The following SLC25A30 variants were observed in gnomAD, a reference collection of about 807,000 sequenced individuals.
SLC25A30 encodes the protein solute carrier family 25 member 30.
Under a neutral mutation model 42.7 loss-of-function variants are expected in SLC25A30, and 29 were observed. The observed-to-expected ratio is 0.68, with a 90% confidence interval of 0.51 to 0.93. The LOEUF (loss-of-function observed/expected upper bound fraction) is 0.93. Among genes scored for constraint, SLC25A30 ranks in the 40% least tolerant of loss-of-function variants. The pLI, the probability that SLC25A30 is intolerant of heterozygous loss-of-function variation, is 0.00. For synonymous variants in SLC25A30, 124 were observed against 131.0 expected (o/e 0.95, Z 0.37); for missense variants, 300 against 359.7 (o/e 0.83, Z 1.34).
At chr13:45,419,561 C>T (rs574254552), upstream of SLC25A30, among the ~76,000 whole-genome samples, 16 of 150,622 alleles carry the variant, frequency 1.1e-4, no homozygotes, top group African/African-American at 2.7e-4. Flanking sequence ...TCAGGTGATC[C>T]GCCTGCCTCG....
chr13:45,399,054 T>C lies in SLC25A30; in HGVS notation c.639A>G (p.Ala213=), dbSNP rs767603039. 1.4e-5 allele frequency: 23 copies of C among 1,610,766 alleles called. No homozygotes were observed. The South Asian group carries it at 2.4e-4, about 17-fold the overall frequency. ...CAACAGGGTTTGAGGCCAGGGCCCCTGCCAGACCACAGGTGAAGCTTGAGC... is the reference window on the plus strand; with the variant it reads ...CAACAGGGTTTGAGGCCAGGGCCCCCGCCAGACCACAGGTGAAGCTTGAGC... ...HFLSSFTCGL[A]GALASNPVDV... The change falls in exon 8 of 10, where the codon GCA becomes GCG. Residue 213 remains alanine, a synonymous_variant. Coordinates refer to ENST00000519676, the MANE Select transcript of SLC25A30 (RefSeq NM_001010875.4).
chr13:45,407,265 A>T (rs1882602767), intron 3 of SLC25A30, among the ~76,000 whole-genome samples: 1 of 151,992 alleles, frequency 6.6e-6, no homozygotes, highest in Non-Finnish European at 1.5e-5. Context: ...CGGTTGTCAT[A>T]GCTGGTGCCT....
At chr13:45,424,075 A>G in the SLC25A30 span, among the ~76,000 whole-genome samples, 1 of 99,618 alleles carries the variant, frequency 1.0e-5, no homozygotes, top group Admixed American at 1.5e-4. Flanking sequence ...ATATATTTAT[A>G]TAAATATATA....
upstream of SLC25A30, among the ~76,000 whole-genome samples, chr13:45,421,597 A>G (rs549385797): frequency 2.0e-5 from 3 of 152,156 alleles, no homozygotes; most frequent in South Asian, 4.2e-4. Flanking sequence ...GTTCTACTCA[A>G]TCCTGGCCAC....
At position 45,393,744 on chromosome 13, in the gene SLC25A30, T is replaced by G. The variant is rs1219236113; in HGVS notation, c.*2230A>C. The G allele has an allele frequency of 6.1e-6, 6 of 985,326 alleles. No individual in the cohort carries two copies. The highest frequency in any genetic ancestry group is 6.1e-5 in the Admixed American group (1 of 16,268). The allele number at this position is 985,326 out of a possible 1,614,324, so 61.0% of individuals were successfully genotyped here. A position where few individuals can be genotyped will look rare whatever the true frequency, so the allele number is the denominator to read the frequency against. ...TTTCAAAAAAACAGAAAAAGCAGGT[T>G]AAGATCCTGTTCAATAAGGCACTTA... On this transcript the variant is annotated 3_prime_UTR_variant, in exon 10 of 10. Coordinates refer to ENST00000519676, the MANE Select transcript of SLC25A30 (RefSeq NM_001010875.4).
chr13:45,409,460 T>TA (rs1179738604), intron 2 of SLC25A30, among the ~76,000 whole-genome samples: 2 of 151,702 alleles, frequency 1.3e-5, no homozygotes, highest in South Asian at 2.1e-4. Context: ...AACAAAGAGG[T>TA]AAAAAAAGTT....
At chr13:45,425,354 G>A in the SLC25A30 span, among the ~76,000 whole-genome samples, 35,034 of 105,848 alleles carry the variant, frequency 0.33, 6,432 homozygotes, top group Non-Finnish European at 0.41. Flanking sequence ...ATAACTATAT[G>A]TAAGTATATG....
rs1005194538 is a variant in SLC25A30, at chr13:45,395,476, G to T, written c.*498C>A. The T allele has an allele frequency of 1.0e-6, 1 of 998,560 alleles. No homozygotes were observed. Among genetic ancestry groups the T allele is most frequent in the Non-Finnish European group, 1.2e-6 (1 of 837,002 alleles). The allele number at this position is 998,560 out of a possible 1,614,324, so 61.9% of individuals were successfully genotyped here. ...CATTTCCTGCACCGTTTATACCTGG[G>T]GTTGAACAGTCCAGGTCTCCATACA... On this transcript the variant is annotated 3_prime_UTR_variant, in exon 10 of 10. Coordinates refer to ENST00000519676, the MANE Select transcript of SLC25A30 (RefSeq NM_001010875.4).
At chr13:45,410,455 T>C (rs948775151) in intron 2 of SLC25A30, among the ~76,000 whole-genome samples, 1 of 152,176 alleles carries the variant, frequency 6.6e-6, no homozygotes, top group African/African-American at 2.4e-5. Context: ...TCTCTTGAGC[T>C]TGGGAGTCGA....
At chr13:45,433,025 T>C in the SLC25A30 span, among the ~76,000 whole-genome samples, 3 of 106,684 alleles carry the variant, frequency 2.8e-5, no homozygotes, top group Non-Finnish European at 3.7e-5. Flanking sequence ...AGAATGAGAC[T>C]CTTTCTCAAA....
chr13:45,397,735 T>C (rs1881504298), intron 8 of SLC25A30: 1 of 216,148 alleles, frequency 4.6e-6, no homozygotes, highest in African/African-American at 2.4e-5. Flanking sequence ...ACTGATTTAT[T>C]TTTCTTAAAA....
the SLC25A30 span, among the ~76,000 whole-genome samples, chr13:45,427,791 C>T: frequency 7.9e-5 from 8 of 100,902 alleles, no homozygotes; most frequent in African/African-American, 2.0e-4. Context: ...GTCGCCCAGG[C>T]GGAGTGCAGT....
chr13:45,416,100 A>T (rs1336987931), intron 1 of SLC25A30, among the ~76,000 whole-genome samples: 1 of 151,142 alleles, frequency 6.6e-6, no homozygotes, highest in Admixed American at 6.6e-5. Flanking sequence ...GCCCGGTCCA[A>T]ATTTTTTAAA....
At chr13:45,397,366 T>G in intron 8 of SLC25A30, 28 bp from the exon 9 acceptor site, 1 of 1,488,174 alleles carries the variant, frequency 6.7e-7, no homozygotes, top group South Asian at 1.1e-5. Context: ...AAAAGTTAAC[T>G]TCCAACTTTC....
chr13:45,401,785 C>T (rs974528476), intron 6 of SLC25A30, among the ~76,000 whole-genome samples: 6 of 152,030 alleles, frequency 3.9e-5, no homozygotes, highest in Admixed American at 2.0e-4. Flanking sequence ...ATAGGCCAGG[C>T]GCAATGCCTC....
Position 45,395,012 on chromosome 13 carries a change from C to T in SLC25A30, c.*962G>A. 3 of 985,460 alleles carry T rather than the reference C, an allele frequency of 3.0e-6. No homozygotes were observed. The highest frequency in any genetic ancestry group is 1.7e-5 in the African/African-American group (1 of 57,360). 61.0% of individuals were successfully genotyped at this position (985,460 alleles called of 1,614,324 possible). On this transcript the variant is annotated 3_prime_UTR_variant, in exon 10 of 10. Transcript: ENST00000519676. ...AGACCTTAACAAAGGGCTTCATTCA[C>T]AATTACCATGAGAAGCCCATGAGAA...
At chr13:45,405,637 G>A (rs1882427118) in intron 4 of SLC25A30, among the ~76,000 whole-genome samples, 1 of 152,160 alleles carries the variant, frequency 6.6e-6, no homozygotes, top group Admixed American at 6.5e-5. Context: ...CCTGGTCTAG[G>A]CATTTTGGAG....
chr13:45,394,838 C>T lies in SLC25A30; in HGVS notation c.*1136G>A. On this transcript the variant is annotated 3_prime_UTR_variant, in exon 10 of 10. Coordinates refer to ENST00000519676, the MANE Select transcript of SLC25A30 (RefSeq NM_001010875.4). ...AAAATTTCAAGCAGGTATTTTCCAT[C>T]CAAACTAAACAGAAAGTCCAAGACA... is the stretch of plus-strand genomic sequence containing the variant. 1.0e-6 allele frequency: 1 copy of T among 985,332 alleles called. No homozygotes were observed. The highest frequency in any genetic ancestry group is 1.2e-6 in the Non-Finnish European group (1 of 829,904). 61.0% of individuals were successfully genotyped at this position (985,332 alleles called of 1,614,324 possible). A position where few individuals can be genotyped will look rare whatever the true frequency, so the allele number is the denominator to read the frequency against.
chr13:45,412,429 T>C (rs988509939), intron 1 of SLC25A30, among the ~76,000 whole-genome samples: 2 of 152,134 alleles, frequency 1.3e-5, no homozygotes, highest in Non-Finnish European at 2.9e-5. Flanking sequence ...TCTATAAATA[T>C]CGGCTCACTT....
Sources: gnomAD v4.1 joint callset for allele counts (sites outside exome capture counted in the v4.1 genomes callset) on GRCh38, gnomAD v4.1.1 for gene constraint, MANE v1.5 for transcripts, NCBI Gene and HGNC (gene_info 2026-07-23, HGNC 2026-07-21) for gene names.